The following TNFSF4 variants were observed in gnomAD, a reference collection of about 807,000 sequenced individuals.
TNFSF4 encodes the protein TNF superfamily member 4.
A neutral mutation model predicts 7.3 loss-of-function variants in TNFSF4; 4 were observed. That is an observed-to-expected ratio of 0.55 (90% confidence interval 0.27 to 1.25). The LOEUF (loss-of-function observed/expected upper bound fraction) is 1.25. Among genes scored for constraint, TNFSF4 ranks in the 50% most tolerant of loss-of-function variants. The pLI is 0.12. For missense variants in TNFSF4, 181 were observed against 208.8 expected (o/e 0.87, Z 0.82); for synonymous variants, 76 against 83.7 (o/e 0.91, Z 0.50).
chr1:173,198,331 T>C (rs1649794455), intron 1 of TNFSF4, among the ~76,000 whole-genome samples: 1 of 152,210 alleles, frequency 6.6e-6, no homozygotes, highest in South Asian at 2.1e-4. Context: ...ATGAAAAATT[T>C]CCATTTCAAA....
chr1:173,205,207 C>T (rs532800135), intron 1 of TNFSF4: 224 of 1,340,514 alleles, frequency 1.7e-4, no homozygotes, highest in Non-Finnish European at 2.2e-4. Context: ...TCAGAGTAGA[C>T]AGGGCATGTT....
chr1:173,411,319 A>G, the TNFSF4 span, among the ~76,000 whole-genome samples: 1 of 152,202 alleles, frequency 6.6e-6, no homozygotes, highest in Non-Finnish European at 1.5e-5. Context: ...TTCCAGCTGT[A>G]GTTCTGGTTT....
At chr1:173,362,485 A>G in the TNFSF4 span, 1 of 537,898 alleles carries the variant, frequency 1.9e-6, no homozygotes, top group East Asian at 5.0e-5. Context: ...CTGTTTCTCC[A>G]GCTGGGCTTG....
downstream of TNFSF4, among the ~76,000 whole-genome samples, chr1:173,181,514 T>C (rs1037746788): frequency 6.6e-6 from 1 of 152,202 alleles, no homozygotes; most frequent in Non-Finnish European, 1.5e-5. Flanking sequence ...ATCAGTTCCA[T>C]TGACCAAAAT....
chr1:173,415,247 T>A, the TNFSF4 span, among the ~76,000 whole-genome samples: 1 of 152,248 alleles, frequency 6.6e-6, no homozygotes. Context: ...ACGTCTCACA[T>A]TTCTCCTTAC....
At position 173,187,319 on chromosome 1, in the gene TNFSF4, T is replaced by C. The variant is rs191876774; in HGVS notation, c.203-454A>G. On this transcript the variant is annotated intron_variant, in intron 2 of 2. Transcript: ENST00000281834. ...CTTCAGTGCCTCCTTTCTTGCTCAGTGGATGAACTATGGGCAAAGGGTGGC... is the reference window on the plus strand; with the variant it reads ...CTTCAGTGCCTCCTTTCTTGCTCAGCGGATGAACTATGGGCAAAGGGTGGC... Among the ~76,000 whole-genome samples, 36 of 152,332 alleles carry C rather than the reference T, an allele frequency of 2.4e-4. 1 individual carries two copies. The East Asian group carries it at 5.0e-3, about 21-fold the overall frequency.
At chr1:173,294,433 T>C in the TNFSF4 span, among the ~76,000 whole-genome samples, 1 of 151,744 alleles carries the variant, frequency 6.6e-6, no homozygotes, top group South Asian at 2.1e-4. Flanking sequence ...ATAGGAACAA[T>C]AGACACTGGG....
chr1:173,427,618 T>TA, the TNFSF4 span, among the ~76,000 whole-genome samples: 1 of 152,216 alleles, frequency 6.6e-6, no homozygotes, highest in African/African-American at 2.4e-5. Context: ...CTGACTCTGA[T>TA]AAGTCTCTAG....
the TNFSF4 span, among the ~76,000 whole-genome samples, chr1:173,253,646 T>G: frequency 6.6e-6 from 1 of 152,190 alleles, no homozygotes; most frequent in Non-Finnish European, 1.5e-5. Context: ...CCAAGACATA[T>G]GAACGTCTAG....
At chr1:173,306,420 C>A in the TNFSF4 span, among the ~76,000 whole-genome samples, 1 of 151,904 alleles carries the variant, frequency 6.6e-6, no homozygotes, top group African/African-American at 2.4e-5. Context: ...TTTGGGGCCC[C>A]TCAGGGACTG....
At chr1:173,338,540 C>T in the TNFSF4 span, among the ~76,000 whole-genome samples, 1 of 152,082 alleles carries the variant, frequency 6.6e-6, no homozygotes, top group African/African-American at 2.4e-5. Context: ...GGTACCAATG[C>T]CTTGCAGGGC....
the TNFSF4 span, among the ~76,000 whole-genome samples, chr1:173,270,386 A>G: frequency 6.6e-6 from 1 of 152,052 alleles, no homozygotes; most frequent in Non-Finnish European, 1.5e-5. Flanking sequence ...CTGTACATAG[A>G]AAAGTGAAGA....
At chr1:173,429,152 A>G in the TNFSF4 span, among the ~76,000 whole-genome samples, 6 of 152,200 alleles carry the variant, frequency 3.9e-5, no homozygotes, top group African/African-American at 1.4e-4. Context: ...GACTTATTAC[A>G]CTATTATCTC....
At chr1:173,429,466 C>T in the TNFSF4 span, among the ~76,000 whole-genome samples, 1 of 152,220 alleles carries the variant, frequency 6.6e-6, no homozygotes, top group Non-Finnish European at 1.5e-5. Context: ...CTTGTGAAGA[C>T]AGAGAAGCTG....
At chr1:173,246,002 G>A in the TNFSF4 span, among the ~76,000 whole-genome samples, 10 of 152,220 alleles carry the variant, frequency 6.6e-5, no homozygotes, top group African/African-American at 2.4e-4. Context: ...GGACATTTAG[G>A]TTGATTTCAT....
At chr1:173,398,193 A>G in the TNFSF4 span, among the ~76,000 whole-genome samples, 4 of 151,980 alleles carry the variant, frequency 2.6e-5, no homozygotes, top group Admixed American at 2.0e-4. Flanking sequence ...GTTCTCAGAG[A>G]TCATGGCACC....
chr1:173,295,180 C>A, the TNFSF4 span, among the ~76,000 whole-genome samples: 1 of 151,908 alleles, frequency 6.6e-6, no homozygotes, highest in Non-Finnish European at 1.5e-5. Flanking sequence ...ATACTTGGAC[C>A]ATTTCTTATA....
At chr1:173,309,838 A>C in the TNFSF4 span, among the ~76,000 whole-genome samples, 1 of 151,910 alleles carries the variant, frequency 6.6e-6, no homozygotes, top group African/African-American at 2.4e-5. Flanking sequence ...ATTTTTAATG[A>C]TGGACTCAAT....
the TNFSF4 span, among the ~76,000 whole-genome samples, chr1:173,322,337 G>T: frequency 6.6e-6 from 1 of 152,130 alleles, no homozygotes; most frequent in Non-Finnish European, 1.5e-5. Context: ...GGGGGCGGGG[G>T]GCAAGGGGAG....
Sources: gnomAD v4.1 joint callset for allele counts (sites outside exome capture counted in the v4.1 genomes callset) on GRCh38, gnomAD v4.1.1 for gene constraint, MANE v1.5 for transcripts, NCBI Gene and HGNC (gene_info 2026-07-23, HGNC 2026-07-21) for gene names.